TMEM273: variants seen among roughly 807,000 people sequenced by gnomAD.
TMEM273 encodes the protein transmembrane protein 273, also known as chromosome 10 open reading frame 128.
A neutral mutation model predicts 17.9 loss-of-function variants in TMEM273; 19 were observed. The ratio of observed to expected loss-of-function variants is 1.06; its 90% CI spans 0.74 to 1.55. The LOEUF is 1.55. Among genes scored for constraint, TMEM273 ranks in the 40% most tolerant of loss-of-function variants. The pLI, the probability that TMEM273 is intolerant of heterozygous loss-of-function variation, is 0.00. For missense variants in TMEM273, 194 were observed against 155.6 expected, an observed-to-expected ratio of 1.25 and a Z score of -1.31; for synonymous variants, 66 against 62.0, an observed-to-expected ratio of 1.07 and a Z score of -0.31.
intron 6 of TMEM273, 92 bp from the exon 7 acceptor site, chr10:49,156,001 AG>A: frequency 6.2e-7 from 1 of 1,608,464 alleles, no homozygotes; most frequent in Non-Finnish European, 8.5e-7. Context: ...ACAATTAAAC[AG>A]GTATAAAAGC....
chr10:49,166,722 C>G (rs775063140), intron 3 of TMEM273, 147 bp downstream of exon 3: 1 of 1,186,108 alleles, frequency 8.4e-7, no homozygotes, highest in South Asian at 1.3e-5. Flanking sequence ...GTGAGAGAGA[C>G]AGAAACATGC....
chr10:49,160,595 T>G (rs550301072), intron 6 of TMEM273: 1 of 152,280 alleles, frequency 6.6e-6, no homozygotes, highest in Non-Finnish European at 1.5e-5. Context: ...ACTTCTGAAA[T>G]AACCAGAGAA....
chr10:49,165,393 G>A, intron 4 of TMEM273, 110 bp from the exon 5 acceptor site: 1 of 1,528,150 alleles, frequency 6.5e-7, no homozygotes, highest in Admixed American at 2.1e-5. Context: ...CTTGATGCCA[G>A]CAGGGAAGCC....
chr10:49,178,470 C>G (rs1027403921), intron 1 of TMEM273: 14 of 356,348 alleles, frequency 3.9e-5, no homozygotes, highest in Admixed American at 3.9e-4. Flanking sequence ...AGGGGAACAG[C>G]ATCATCCCAT....
Position 49,155,929 on chromosome 10 carries a change from T to C in TMEM273, c.373-20A>G, listed in dbSNP as rs766151854. The C allele has an allele frequency of 2.0e-5, 33 of 1,614,122 alleles. No individual in the cohort carries two copies. Among genetic ancestry groups the C allele is most frequent in the Non-Finnish European group, 2.5e-5 (30 of 1,180,030 alleles). On this transcript the variant is annotated intron_variant, in intron 6 of 6. Transcript: ENST00000374153. Reference sequence around the variant, plus strand: ...GCATCTCTGGAAAGGAAGAGAACCATCTGGAAGACTTATTGAGAGAGCAAC... The same window carrying C: ...GCATCTCTGGAAAGGAAGAGAACCACCTGGAAGACTTATTGAGAGAGCAAC...
chr10:49,168,485 G>T (rs1353165170), intron 1 of TMEM273, among the ~76,000 whole-genome samples: 1 of 152,116 alleles, frequency 6.6e-6, no homozygotes, highest in Non-Finnish European at 1.5e-5. Flanking sequence ...ATGTCAATAT[G>T]TAACAACATT....
At position 49,155,728 on chromosome 10, in the gene TMEM273, GC is replaced by G; in HGVS notation, c.*163del. The G allele has an allele frequency of 1.1e-6, 1 of 923,360 alleles. No homozygotes were observed. The highest frequency in any genetic ancestry group is 1.7e-6 in the Non-Finnish European group (1 of 602,008). 57.2% of individuals were successfully genotyped at this position (923,360 alleles called of 1,614,324 possible). ...CATGATATTTTCCTTCAGGACAGAG[GC>G]ACTGTATATTCTATTCCTTCTATTA... On this transcript the variant is annotated 3_prime_UTR_variant, in exon 7 of 7. Coordinates refer to ENST00000374153, the MANE Select transcript of TMEM273 (RefSeq NM_001288740.3).
At chr10:49,182,138 G>A (rs754452656) in intron 1 of TMEM273, among the ~76,000 whole-genome samples, 21 of 152,132 alleles carry the variant, frequency 1.4e-4, no homozygotes, top group Admixed American at 2.6e-4. Flanking sequence ...TGGTGTATTC[G>A]TTTTTTGTTA....
At chr10:49,186,005 G>GGAGGAGGAGGAAGAA (rs1285603450) in intron 1 of TMEM273, among the ~76,000 whole-genome samples, 4 of 101,486 alleles carry the variant, frequency 3.9e-5, no homozygotes, top group Non-Finnish European at 8.6e-5. Flanking sequence ...AGGAGGAAGA[G>GGAGGAGGAGGAAGAA]GAGGAGGAGG....
chr10:49,185,507 GC>G (rs1196358945), intron 1 of TMEM273, among the ~76,000 whole-genome samples: 1 of 152,120 alleles, frequency 6.6e-6, no homozygotes, highest in Non-Finnish European at 1.5e-5. Flanking sequence ...AGTGCTCTAG[GC>G]CCCTTTCTCC....
chr10:49,178,948 A>G (rs1799809356), intron 1 of TMEM273, among the ~76,000 whole-genome samples: 1 of 152,176 alleles, frequency 6.6e-6, no homozygotes, highest in South Asian at 2.1e-4. Context: ...GTCCAGCTCC[A>G]GGTCCTTCAC....
chr10:49,186,092 A>AGAAGAAGGAGAAGAAGAAGAG (rs1564652233), intron 1 of TMEM273, among the ~76,000 whole-genome samples: 6 of 149,322 alleles, frequency 4.0e-5, no homozygotes, highest in African/African-American at 1.5e-4. Flanking sequence ...AAGAAGAAGA[A>AGAAGAAGGAGAAGAAGAAGAG]GAAGAAGAAG....
At chr10:49,174,319 G>A (rs1846799115) in intron 1 of TMEM273, among the ~76,000 whole-genome samples, 1 of 152,190 alleles carries the variant, frequency 6.6e-6, no homozygotes, top group Admixed American at 6.5e-5. Flanking sequence ...TTTGAAAGTG[G>A]AAATGAAGTG....
At chr10:49,167,074 T>G (rs1388561800) in intron 2 of TMEM273, 65 bp from the exon 3 acceptor site, 1 of 1,589,420 alleles carries the variant, frequency 6.3e-7, no homozygotes, top group African/African-American at 1.3e-5. Context: ...GCATTCCAGA[T>G]GAGGTCCAAA....
intron 1 of TMEM273, among the ~76,000 whole-genome samples, chr10:49,179,740 G>A (rs1847224992): frequency 6.6e-6 from 1 of 152,170 alleles, no homozygotes; most frequent in South Asian, 2.1e-4. Flanking sequence ...GTCCCAGATG[G>A]GAATTGGAGA....
At chr10:49,176,330 A>T (rs1005827458) in intron 1 of TMEM273, among the ~76,000 whole-genome samples, 1 of 152,218 alleles carries the variant, frequency 6.6e-6, no homozygotes, top group Non-Finnish European at 1.5e-5. Flanking sequence ...CAGCAAGGGC[A>T]CAAGCCTCTG....
In TMEM273 at chr10:49,166,827, G is replaced by T. The variant is rs375708847; in HGVS notation, c.238+42C>A. 2.5e-6 allele frequency: 4 copies of T among 1,610,094 alleles called. No individual in the cohort carries two copies. The East Asian group carries it at 6.7e-5, about 27-fold the overall frequency. On this transcript the variant is annotated intron_variant, in intron 3 of 6. Transcript: ENST00000374153. ...ATCACAGAGTGGCCCTCGGTGCCTCGCTGGGTGGGGCAGAGCCAGGCCCGA... is the reference window on the plus strand; with the variant it reads ...ATCACAGAGTGGCCCTCGGTGCCTCTCTGGGTGGGGCAGAGCCAGGCCCGA...
At chr10:49,162,321 A>C (rs999234823) in intron 5 of TMEM273, among the ~76,000 whole-genome samples, 2 of 152,140 alleles carry the variant, frequency 1.3e-5, no homozygotes, top group African/African-American at 2.4e-5. Context: ...ACAGGCAATA[A>C]ATGCACACAC....
intron 4 of TMEM273, 163 bp from the exon 5 acceptor site, chr10:49,165,446 G>C: frequency 6.8e-7 from 1 of 1,478,908 alleles, no homozygotes. Context: ...CAAGTGACAG[G>C]GGCTGGAGGC....
Sources: gnomAD v4.1 joint callset for allele counts (sites outside exome capture counted in the v4.1 genomes callset) on GRCh38, gnomAD v4.1.1 for gene constraint, MANE v1.5 for transcripts, NCBI Gene and HGNC (gene_info 2026-07-23, HGNC 2026-07-21) for gene names.